The following CHN1 variants were observed in gnomAD, a reference collection of about 807,000 sequenced individuals.
CHN1 encodes N-chimaerin.
CHN1 carries 37 observed loss-of-function variants against 59.5 expected under a neutral mutation model. The ratio of observed to expected loss-of-function variants is 0.62; its 90% CI spans 0.48 to 0.82. CHN1 has a LOEUF of 0.82. Among genes scored for constraint, CHN1 ranks in the 40% least tolerant of loss-of-function variants. The pLI is 0.00. For synonymous variants in CHN1, 206 were observed against 200.4 expected (o/e 1.03, Z -0.24); for missense variants, 469 against 571.0 (o/e 0.82, Z 1.82).
chr2:174,926,630 C>G (rs1050564533), intron 3 of CHN1, among the ~76,000 whole-genome samples: 1 of 152,184 alleles, frequency 6.6e-6, no homozygotes, highest in African/African-American at 2.4e-5. Context: ...TGGAAAAATG[C>G]AGATTCACTG....
In CHN1 at chr2:175,005,125, C is replaced by A. The variant is rs1692023607; in HGVS notation, c.-213G>T. 3 of 1,309,258 alleles carry A rather than the reference C, an allele frequency of 2.3e-6. No homozygotes were observed. The highest frequency in any genetic ancestry group is 2.9e-6 in the Non-Finnish European group (3 of 1,027,094). The allele number at this position is 1,309,258 out of a possible 1,614,324, so 81.1% of individuals were successfully genotyped here. On this transcript the variant is annotated 5_prime_UTR_variant, in exon 1 of 13. Coordinates refer to ENST00000409900, the MANE Select transcript of CHN1 (RefSeq NM_001822.7). ...ACGCGTTATTGTCGGGCGCACCGGG[C>A]CCAGGGAGCCCCGCTAGCTCTCCGC... is the stretch of plus-strand genomic sequence containing the variant.
At chr2:174,944,108 T>C (rs1262021779) in intron 3 of CHN1, among the ~76,000 whole-genome samples, 1 of 152,254 alleles carries the variant, frequency 6.6e-6, no homozygotes, top group Non-Finnish European at 1.5e-5. Flanking sequence ...CAGTCTCCTC[T>C]GGACAGACAT....
chr2:174,840,104 A>G (rs568383155), intron 7 of CHN1, among the ~76,000 whole-genome samples: 149 of 151,796 alleles, frequency 9.8e-4, no homozygotes, highest in South Asian at 1.9e-3. Context: ...GCATTATTAT[A>G]CATATGTGGC....
At chr2:174,935,663 C>G (rs370547390) in intron 3 of CHN1, among the ~76,000 whole-genome samples, 1 of 152,226 alleles carries the variant, frequency 6.6e-6, no homozygotes, top group Admixed American at 6.5e-5. Flanking sequence ...CGGTGGCTCA[C>G]GCCTGTAATC....
intron 1 of CHN1, among the ~76,000 whole-genome samples, chr2:174,974,571 C>T (rs533756500): frequency 5.7e-4 from 87 of 152,186 alleles, no homozygotes; most frequent in Admixed American, 1.3e-3. Flanking sequence ...TTTTACTGTT[C>T]ACAAGTGACA....
At chr2:174,944,858 AT>A in intron 3 of CHN1, 29 bp downstream of exon 3, 1 of 1,543,574 alleles carries the variant, frequency 6.5e-7, no homozygotes, top group Non-Finnish European at 8.8e-7. Context: ...GTTGAGAGAC[AT>A]TTTTTGGTAG....
chr2:174,854,634 G>C (rs543227200), intron 6 of CHN1, among the ~76,000 whole-genome samples: 10 of 152,138 alleles, frequency 6.6e-5, no homozygotes, highest in Admixed American at 4.6e-4. Context: ...TTCTGTCTTT[G>C]TTTCTTTATA....
chr2:174,851,887 A>C lies in CHN1; in HGVS notation c.550-4930T>G, dbSNP rs145581986. ...CTGGCAAAAGGCTACCAGAACTGAT[A>C]AATGATTTTACGAAGGTTTCAGTTT... On this transcript the variant is annotated intron_variant, in intron 6 of 12. Transcript: ENST00000409900. Among the ~76,000 whole-genome samples, 402 of 152,326 alleles carry C rather than the reference A, an allele frequency of 2.6e-3. 1 individual carries two copies. Among genetic ancestry groups the C allele is most frequent in the African/African-American group, 9.2e-3 (383 of 41,570 alleles).
At chr2:174,972,628 G>A (rs988016364) in intron 1 of CHN1, among the ~76,000 whole-genome samples, 9 of 152,186 alleles carry the variant, frequency 5.9e-5, no homozygotes, top group Admixed American at 2.6e-4. Context: ...TCAGACAATG[G>A]AAGTTGGAGC....
chr2:174,964,120 G>T (rs1459813156), intron 1 of CHN1, among the ~76,000 whole-genome samples: 1 of 152,130 alleles, frequency 6.6e-6, no homozygotes, highest in Non-Finnish European at 1.5e-5. Context: ...GGAGAGAGAG[G>T]ATGAAAGAAC....
At chr2:174,847,850 T>C (rs2105437517) in intron 6 of CHN1, 6 of 424,562 alleles carry the variant, frequency 1.4e-5, no homozygotes, top group South Asian at 7.0e-5. Flanking sequence ...TATTGCAAAA[T>C]GGAATTTTTT....
At chr2:174,860,028 T>C (rs1168960920) in intron 6 of CHN1, among the ~76,000 whole-genome samples, 1 of 152,172 alleles carries the variant, frequency 6.6e-6, no homozygotes, top group African/African-American at 2.4e-5. Context: ...TTTAGATACA[T>C]GCAGTTTTTT....
intron 5 of CHN1, among the ~76,000 whole-genome samples, chr2:174,898,415 CA>C (rs1365916915): frequency 6.8e-6 from 1 of 146,324 alleles, no homozygotes; most frequent in Non-Finnish European, 1.5e-5. Flanking sequence ...TCCTGGCCAA[CA>C]TGGTGAAATC....
intron 8 of CHN1, among the ~76,000 whole-genome samples, chr2:174,822,782 CCTT>C (rs1685544902): frequency 6.6e-6 from 1 of 152,220 alleles, no homozygotes; most frequent in African/African-American, 2.4e-5. Context: ...ACAACCATGG[CCTT>C]CTTCATCCCA....
intron 10 of CHN1, among the ~76,000 whole-genome samples, chr2:174,810,653 C>G (rs775503762): frequency 6.6e-6 from 1 of 152,184 alleles, no homozygotes. Context: ...ATTCACCTCC[C>G]TTTCTTTGCT....
chr2:174,983,678 A>C (rs1230405190), intron 1 of CHN1, among the ~76,000 whole-genome samples: 2 of 152,094 alleles, frequency 1.3e-5, no homozygotes, highest in East Asian at 1.9e-4. Context: ...AAATACAAAA[A>C]TTAGCTGGGC....
intron 5 of CHN1, among the ~76,000 whole-genome samples, chr2:174,882,097 T>C (rs971425914): frequency 1.3e-5 from 2 of 152,254 alleles, no homozygotes; most frequent in African/African-American, 2.4e-5. Flanking sequence ...CCTTGCTTAA[T>C]AGCTGTTTAT....
chr2:174,843,825 G>A (rs1283045587), intron 7 of CHN1, among the ~76,000 whole-genome samples: 2 of 152,116 alleles, frequency 1.3e-5, no homozygotes, highest in Non-Finnish European at 2.9e-5. Context: ...CCAAGGTGGT[G>A]CATATAATAA....
At chr2:174,907,861 TAA>T (rs1168080178) in intron 5 of CHN1, among the ~76,000 whole-genome samples, 2 of 152,162 alleles carry the variant, frequency 1.3e-5, no homozygotes, top group South Asian at 4.1e-4. Flanking sequence ...TTCAGATTGA[TAA>T]AAGTTTTATG....
Sources: allele counts gnomAD v4.1 joint callset (sites outside exome capture counted in the v4.1 genomes callset), GRCh38; gene constraint gnomAD v4.1.1; transcripts MANE v1.5; gene names NCBI Gene and HGNC (gene_info 2026-07-23, HGNC 2026-07-21).